DAAM1: variants seen among roughly 807,000 people sequenced by gnomAD.
DAAM1 encodes disheveled-associated activator of morphogenesis 1.
Under a neutral mutation model 130.0 loss-of-function variants are expected in DAAM1, and 52 were observed. The observed-to-expected ratio is 0.40, with a 90% confidence interval of 0.32 to 0.50. DAAM1 has a LOEUF of 0.50. Among genes scored for constraint, DAAM1 ranks in the 20% least tolerant of loss-of-function variants. The pLI is 0.61. For synonymous variants in DAAM1, 452 were observed against 444.5 expected, an observed-to-expected ratio of 1.02 and a Z score of -0.21; for missense variants, 1,134 against 1,303.8, an observed-to-expected ratio of 0.87 and a Z score of 2.01.
At chr14:59,236,641 G>C (rs1310521390) in intron 1 of DAAM1, among the ~76,000 whole-genome samples, 3 of 151,958 alleles carry the variant, frequency 2.0e-5, no homozygotes, top group Non-Finnish European at 2.9e-5. Context: ...TAAATATCCT[G>C]TTTTATCCAT....
chr14:59,227,695 A>C (rs1490372545), intron 1 of DAAM1, among the ~76,000 whole-genome samples: 2 of 152,122 alleles, frequency 1.3e-5, no homozygotes, highest in East Asian at 3.9e-4. Context: ...TGATTAGGAG[A>C]AGCTGTTCAC....
chr14:59,196,804 TAAAG>T (rs1887910757), intron 1 of DAAM1, among the ~76,000 whole-genome samples: 1 of 152,058 alleles, frequency 6.6e-6, no homozygotes, highest in South Asian at 2.1e-4. Flanking sequence ...TGTAAGAAAT[TAAAG>T]GAAATGAAAC....
intron 24 of DAAM1, 43 bp downstream of exon 24, chr14:59,367,642 C>A: frequency 1.3e-6 from 2 of 1,589,108 alleles, no homozygotes; most frequent in Non-Finnish European, 1.7e-6. Flanking sequence ...CCTAGAAGTT[C>A]TATGACTGCA....
chr14:59,303,232 G>A (rs545414400), intron 3 of DAAM1, among the ~76,000 whole-genome samples: 1 of 152,254 alleles, frequency 6.6e-6, no homozygotes, highest in Admixed American at 6.5e-5. Context: ...CATGAAAATG[G>A]ACTCCTATAG....
At chr14:59,255,846 T>C (rs1881857037) in intron 1 of DAAM1, among the ~76,000 whole-genome samples, 1 of 152,210 alleles carries the variant, frequency 6.6e-6, no homozygotes, top group South Asian at 2.1e-4. Flanking sequence ...CTGTCTATCT[T>C]GATTCATATA....
intron 1 of DAAM1, among the ~76,000 whole-genome samples, chr14:59,262,980 T>TGTC (rs1328045293): frequency 3.3e-5 from 5 of 152,178 alleles, no homozygotes; most frequent in Admixed American, 1.3e-4. Context: ...TGGATATATA[T>TGTC]GTCATAGCAT....
intron 17 of DAAM1, among the ~76,000 whole-genome samples, chr14:59,351,295 C>A (rs892246093): frequency 3.9e-5 from 6 of 152,200 alleles, no homozygotes; most frequent in Non-Finnish European, 7.3e-5. Context: ...ACTATCTAAT[C>A]ATTTTTAATC....
At position 59,338,987 on chromosome 14, in the gene DAAM1, C is replaced by G. The variant is rs72726391; in HGVS notation, c.1969-1087C>G. ...AAAAATTTAAACAGTAGTACAGACTCATGTTAAAAACAGCAGTCTGATCCA... is the reference window on the plus strand; with the variant it reads ...AAAAATTTAAACAGTAGTACAGACTGATGTTAAAAACAGCAGTCTGATCCA... On this transcript the variant is annotated intron_variant, in intron 15 of 24. Transcript: ENST00000360909. 3.6e-3 allele frequency among the ~76,000 whole-genome samples: 541 copies of G among 152,306 alleles called. 3 individuals are homozygous for G. The highest frequency in any genetic ancestry group is 6.4e-3 in the Non-Finnish European group (432 of 68,024).
Position 59,263,463 on chromosome 14 carries a change from G to C in DAAM1, c.-15G>C. On this transcript the variant is annotated 5_prime_UTR_variant, in exon 2 of 25. Coordinates refer to ENST00000360909, the MANE Select transcript of DAAM1 (RefSeq NM_001270520.2). ...CAGCGTTTAGTCACATCAAGAAATA[G>C]AACAGAATTCAGCCATGGCCCCAAG... The C allele has an allele frequency of 6.2e-7, 1 of 1,614,092 alleles. No individual in the cohort carries two copies. Among genetic ancestry groups the C allele is most frequent in the Non-Finnish European group, 8.5e-7 (1 of 1,179,952 alleles).
intron 1 of DAAM1, among the ~76,000 whole-genome samples, chr14:59,239,668 A>G (rs769604457): frequency 6.6e-6 from 1 of 151,784 alleles, no homozygotes; most frequent in Non-Finnish European, 1.5e-5. Flanking sequence ...TTCCTTCCCT[A>G]CCACACAGTC....
chr14:59,359,490 A>C lies in DAAM1; in HGVS notation c.2619A>C (p.Gln873His). ...ATGAAGAATTGCGAGATATTCCTCA[A>C]GCTGCGAAAGTAAAGTAAGTACTTA... The part of the protein sequence containing the change: ...NLNEELRDIP[Q>H]AAKVNMTELD... Residue 873 changes from glutamine (Q) to histidine (H), a missense_variant, in exon 21 of 25, where the codon CAA becomes CAC. Gln to His is a conservative substitution (Grantham distance 24, BLOSUM62 0). This residue lies in a region of DAAM1 where 644 missense variants were observed against 695.9 expected (regional missense o/e 0.93). Transcript: ENST00000360909. The C allele has an allele frequency of 6.2e-7, 1 of 1,613,180 alleles. No homozygotes were observed. The highest frequency in any genetic ancestry group is 8.5e-7 in the Non-Finnish European group (1 of 1,179,238).
chr14:59,311,567 A>G (rs1469869125), intron 3 of DAAM1, among the ~76,000 whole-genome samples: 1 of 151,874 alleles, frequency 6.6e-6, no homozygotes, highest in Non-Finnish European at 1.5e-5. Flanking sequence ...AAAAAAAAAA[A>G]AAAGAAAACC....
chr14:59,311,399 T>G (rs1271740508), intron 3 of DAAM1, among the ~76,000 whole-genome samples: 1 of 152,124 alleles, frequency 6.6e-6, no homozygotes, highest in African/African-American at 2.4e-5. Context: ...TTCCAGATGC[T>G]GAAGGGTCTT....
chr14:59,321,324 C>T (rs972268965), intron 5 of DAAM1, among the ~76,000 whole-genome samples: 1 of 152,282 alleles, frequency 6.6e-6, no homozygotes, highest in Non-Finnish European at 1.5e-5. Context: ...GGAAAATGTT[C>T]TCTTTGGGTG....
chr14:59,267,434 A>G (rs1451980913), intron 2 of DAAM1, among the ~76,000 whole-genome samples: 1 of 152,106 alleles, frequency 6.6e-6, no homozygotes, highest in African/African-American at 2.4e-5. Context: ...GGGGAACCAG[A>G]ATTAGTCCTA....
chr14:59,263,991 T>C (rs1594786920), intron 2 of DAAM1: 1 of 366,888 alleles, frequency 2.7e-6, no homozygotes, highest in South Asian at 2.6e-5. Flanking sequence ...CTATACATTA[T>C]GCTAAATAAT....
intron 2 of DAAM1, among the ~76,000 whole-genome samples, chr14:59,268,076 A>T (rs1882539223): frequency 6.7e-6 from 1 of 149,650 alleles, no homozygotes; most frequent in Non-Finnish European, 1.5e-5. Context: ...CTATTTTTGT[A>T]TTTTTTTTTA....
chr14:59,205,467 T>C (rs1023378508), intron 1 of DAAM1, among the ~76,000 whole-genome samples: 1 of 152,218 alleles, frequency 6.6e-6, no homozygotes, highest in Non-Finnish European at 1.5e-5. Flanking sequence ...CCTGAGTGTG[T>C]TTGTTGAATC....
At chr14:59,223,349 C>T (rs1888837295) in intron 1 of DAAM1, among the ~76,000 whole-genome samples, 2 of 152,276 alleles carry the variant, frequency 1.3e-5, no homozygotes, top group Admixed American at 1.3e-4. Flanking sequence ...CTTGGTAGCC[C>T]ATGATTAAGT....
Sources: allele counts gnomAD v4.1 joint callset (sites outside exome capture counted in the v4.1 genomes callset), GRCh38; gene constraint gnomAD v4.1.1; regional missense constraint gnomAD v4.1.1; transcripts MANE v1.5; gene names NCBI Gene and HGNC (gene_info 2026-07-23, HGNC 2026-07-21).